KCNQ3: variants seen among roughly 807,000 people sequenced by gnomAD.
The protein encoded by KCNQ3 is potassium voltage-gated channel subfamily KQT member 3.
In KCNQ3, 30 loss-of-function variants were observed where a neutral mutation model predicts 92.5. That is an observed-to-expected ratio of 0.32 (90% CI 0.24 to 0.44). KCNQ3 has a LOEUF of 0.44. Ranked by LOEUF, KCNQ3 falls within the 20% of genes least tolerant of loss-of-function variation. The pLI, the probability that KCNQ3 is intolerant of heterozygous loss-of-function variation, is 1.00. For synonymous variants in KCNQ3, 450 were observed against 468.8 expected (o/e 0.96, Z 0.52); for missense variants, 913 against 1,140.3 (o/e 0.80, Z 2.87).
chr8:132,298,335 G>A lies in KCNQ3; in HGVS notation c.387-112154C>T, dbSNP rs190013368. Among the ~76,000 whole-genome samples the A allele has an allele frequency of 9.3e-3, 1,413 of 152,304 alleles. 19 individuals carry two copies. Among genetic ancestry groups the A allele is most frequent in the South Asian group, 0.037 (180 of 4,820 alleles). On this transcript the variant is annotated intron_variant, in intron 1 of 14. Transcript: ENST00000388996. ...CTGTTTGAGAGAATTATGATGGGGAGCAAGAGATGTTTTGAAAACACAGAG... is the reference window on the plus strand; with the variant it reads ...CTGTTTGAGAGAATTATGATGGGGAACAAGAGATGTTTTGAAAACACAGAG...
Position 132,140,064 on chromosome 8 carries a change from TGG to T in KCNQ3, c.1568+10_1568+11del. ...AGGCACACAGGCACAGGTGGGACCG[TGG>T]GGGCATTACCTGACGGCTCGGATGG... On this transcript the variant is annotated intron_variant, in intron 11 of 14. Coordinates refer to ENST00000388996, the MANE Select transcript of KCNQ3 (RefSeq NM_004519.4). The T allele has an allele frequency of 3.2e-6, 5 of 1,572,174 alleles. No individual in the cohort carries two copies. Among genetic ancestry groups the T allele is most frequent in the Non-Finnish European group, 4.3e-6 (5 of 1,156,116 alleles).
intron 1 of KCNQ3, among the ~76,000 whole-genome samples, chr8:132,277,430 T>C (rs1225796429): frequency 6.6e-6 from 1 of 152,166 alleles, no homozygotes; most frequent in Non-Finnish European, 1.5e-5. Context: ...ACAGATAGTG[T>C]GGAGGAGCTA....
chr8:132,223,063 TC>T (rs1814287842), intron 1 of KCNQ3, among the ~76,000 whole-genome samples: 1 of 152,220 alleles, frequency 6.6e-6, no homozygotes, highest in African/African-American at 2.4e-5. Flanking sequence ...TTTTATTCAT[TC>T]TTTCATTTTC....
intron 1 of KCNQ3, among the ~76,000 whole-genome samples, chr8:132,268,087 T>C (rs959420462): frequency 3.3e-5 from 5 of 152,208 alleles, no homozygotes; most frequent in African/African-American, 1.2e-4. Flanking sequence ...CCTCTGCCTA[T>C]TCATCCCTCC....
At chr8:132,233,717 A>AT (rs1287129756) in intron 1 of KCNQ3, among the ~76,000 whole-genome samples, 1 of 152,198 alleles carries the variant, frequency 6.6e-6, no homozygotes, top group Non-Finnish European at 1.5e-5. Context: ...ATCAGCCTAA[A>AT]CGGGTCCCTC....
At chr8:132,454,644 C>A (rs1157109874) in intron 1 of KCNQ3, among the ~76,000 whole-genome samples, 1 of 152,046 alleles carries the variant, frequency 6.6e-6, no homozygotes, top group East Asian at 1.9e-4. Flanking sequence ...GTCCTTTCCC[C>A]CGACTGACCA....
chr8:132,465,469 G>A (rs1317925255), intron 1 of KCNQ3, among the ~76,000 whole-genome samples: 1 of 151,766 alleles, frequency 6.6e-6, no homozygotes, highest in Non-Finnish European at 1.5e-5. Flanking sequence ...GCTCATGCCT[G>A]TAATCCCAGC....
At chr8:132,167,612 C>T (rs1826178370) in intron 8 of KCNQ3, among the ~76,000 whole-genome samples, 1 of 152,142 alleles carries the variant, frequency 6.6e-6, no homozygotes, top group African/African-American at 2.4e-5. Flanking sequence ...CAAGGGACTG[C>T]CTTGCTTCAG....
intron 14 of KCNQ3, among the ~76,000 whole-genome samples, chr8:132,131,130 A>G (rs982832613): frequency 6.6e-6 from 1 of 152,248 alleles, no homozygotes; most frequent in African/African-American, 2.4e-5. Context: ...AGGCAAGAGA[A>G]CAGACACTGA....
chr8:132,343,183 A>T (rs1313786565), intron 1 of KCNQ3, among the ~76,000 whole-genome samples: 1 of 152,152 alleles, frequency 6.6e-6, no homozygotes, highest in Non-Finnish European at 1.5e-5. Flanking sequence ...TGTTCAATGG[A>T]TTTGCTTGCT....
At chr8:132,156,864 G>C (rs2130044094) in intron 9 of KCNQ3, among the ~76,000 whole-genome samples, 1 of 152,250 alleles carries the variant, frequency 6.6e-6, no homozygotes, top group Non-Finnish European at 1.5e-5. Flanking sequence ...GCCTTTATAA[G>C]AGAAATGAGA....
intron 1 of KCNQ3, among the ~76,000 whole-genome samples, chr8:132,365,435 A>G (rs541263499): frequency 4.1e-4 from 63 of 152,304 alleles, no homozygotes; most frequent in African/African-American, 1.3e-3. Context: ...TGTTTTTTCT[A>G]TCATACCATC....
At chr8:132,318,596 G>T (rs1586922591) in intron 1 of KCNQ3, among the ~76,000 whole-genome samples, 1 of 152,224 alleles carries the variant, frequency 6.6e-6, no homozygotes, top group East Asian at 1.9e-4. Context: ...CTTGCTATTT[G>T]GTGTTGCAGC....
At chr8:132,237,348 TGCTG>T (rs1177951904) in intron 1 of KCNQ3, among the ~76,000 whole-genome samples, 3 of 152,192 alleles carry the variant, frequency 2.0e-5, no homozygotes, top group African/African-American at 7.2e-5. Context: ...TTGTTTTCAG[TGCTG>T]TGCATATAAT....
chr8:132,371,519 A>G (rs1194992927), intron 1 of KCNQ3, among the ~76,000 whole-genome samples: 3 of 152,238 alleles, frequency 2.0e-5, no homozygotes, highest in Non-Finnish European at 4.4e-5. Flanking sequence ...ATGACTGGCA[A>G]GTAAATAAAT....
intron 1 of KCNQ3, among the ~76,000 whole-genome samples, chr8:132,247,313 G>A (rs146092295): frequency 5.7e-4 from 86 of 152,188 alleles, no homozygotes; most frequent in African/African-American, 2.1e-3. Flanking sequence ...ACTTTCTTTA[G>A]ATGCAAGAGA....
At chr8:132,141,981 CA>C (rs1825311660) in intron 9 of KCNQ3, among the ~76,000 whole-genome samples, 1 of 152,166 alleles carries the variant, frequency 6.6e-6, no homozygotes, top group Non-Finnish European at 1.5e-5. Flanking sequence ...ACAGAAATCA[CA>C]GATAATTTTA....
At chr8:132,282,868 G>T (rs941450387) in intron 1 of KCNQ3, among the ~76,000 whole-genome samples, 3 of 152,202 alleles carry the variant, frequency 2.0e-5, no homozygotes, top group African/African-American at 7.2e-5. Flanking sequence ...GACCACTAGG[G>T]TGCTCAGAGG....
chr8:132,413,651 A>G (rs1563902058), intron 1 of KCNQ3, among the ~76,000 whole-genome samples: 1 of 152,248 alleles, frequency 6.6e-6, no homozygotes, highest in Non-Finnish European at 1.5e-5. Flanking sequence ...GTGTGCTGCA[A>G]TGGTTAAAAA....
Sources: gnomAD v4.1 joint callset for allele counts (sites outside exome capture counted in the v4.1 genomes callset) on GRCh38, gnomAD v4.1.1 for gene constraint, MANE v1.5 for transcripts, NCBI Gene and HGNC (gene_info 2026-07-23, HGNC 2026-07-21) for gene names.